RIC8B: variants seen among roughly 807,000 people sequenced by gnomAD.
RIC8B encodes the protein RIC8 guanine nucleotide exchange factor B.
Under a neutral mutation model 57.5 loss-of-function variants are expected in RIC8B, and 16 were observed. The observed-to-expected ratio is 0.28, with a 90% CI of 0.19 to 0.42. The LOEUF is 0.42. RIC8B is among the 10% of genes least tolerant of loss of function. The pLI, the probability that RIC8B is intolerant of heterozygous loss-of-function variation, is 1.00. For synonymous variants in RIC8B, 216 were observed against 250.8 expected (o/e 0.86, Z 1.31); for missense variants, 481 against 677.0 (o/e 0.71, Z 3.21).
chr12:106,846,839 A>G (rs903299910), intron 6 of RIC8B, among the ~76,000 whole-genome samples: 4 of 152,182 alleles, frequency 2.6e-5, no homozygotes, highest in African/African-American at 7.2e-5. Context: ...GAAACATTAC[A>G]GTAGAGGTAT....
chr12:106,786,287 C>T (rs1037918560), intron 2 of RIC8B, among the ~76,000 whole-genome samples: 5 of 151,376 alleles, frequency 3.3e-5, no homozygotes, highest in Non-Finnish European at 5.9e-5. Flanking sequence ...GTAGCTGGGA[C>T]TACAGGCGCC....
At chr12:106,816,312 C>T (rs1385617660) in intron 3 of RIC8B, among the ~76,000 whole-genome samples, 1 of 152,168 alleles carries the variant, frequency 6.6e-6, no homozygotes, top group African/African-American at 2.4e-5. Flanking sequence ...TATCTCAGTG[C>T]ATTGTTATAG....
chr12:106,825,615 G>A (rs570672169), intron 3 of RIC8B, 111 bp from the exon 4 acceptor site: 2 of 704,302 alleles, frequency 2.8e-6, no homozygotes, highest in Non-Finnish European at 5.1e-6. Flanking sequence ...CATCTAAAAT[G>A]TATGGTATAA....
chr12:106,874,665 A>G, intron 9 of RIC8B: 1 of 948,526 alleles, frequency 1.1e-6, no homozygotes, highest in Non-Finnish European at 1.6e-6. Flanking sequence ...TTAAAATTAC[A>G]TTTCTATTTT....
chr12:106,869,987 A>G (rs537659309), intron 8 of RIC8B, among the ~76,000 whole-genome samples: 53 of 152,036 alleles, frequency 3.5e-4, no homozygotes, highest in African/African-American at 1.3e-3. Context: ...CTGGTACAAG[A>G]TACTGTGATC....
chr12:106,816,982 A>G lies in RIC8B; in HGVS notation c.741+1678A>G, dbSNP rs926107502. 2.1e-4 allele frequency among the ~76,000 whole-genome samples: 32 copies of G among 152,322 alleles called. 1 individual carries two copies. The highest frequency in any genetic ancestry group is 7.0e-4 in the African/African-American group (29 of 41,580). ...GAGTCAGTTGATATAGCCATTATAA[A>G]ATATGCACATTTAATGTGACTCTGG... On this transcript the variant is annotated intron_variant, in intron 3 of 9. Coordinates refer to ENST00000392837, the MANE Select transcript of RIC8B (RefSeq NM_001330145.2).
chr12:106,807,689 G>A (rs1036138038), intron 2 of RIC8B, among the ~76,000 whole-genome samples: 2 of 152,220 alleles, frequency 1.3e-5, no homozygotes, highest in Admixed American at 1.3e-4. Flanking sequence ...GTGAGTTTTG[G>A]TGGACAGCTA....
chr12:106,827,958 G>A (rs951979670), intron 4 of RIC8B, among the ~76,000 whole-genome samples: 4 of 152,122 alleles, frequency 2.6e-5, no homozygotes, highest in Admixed American at 6.5e-5. Flanking sequence ...AGATTTCTCC[G>A]AATAATGAAT....
rs202040725 is a variant in RIC8B, at chr12:106,885,834, TG to T, written c.1572-63del. 2.2e-4 allele frequency: 152 copies of T among 696,642 alleles called. No individual in the cohort carries two copies. In the African/African-American group the frequency reaches 4.9e-3, roughly 23 times the overall value. The allele number at this position is 696,642 out of a possible 1,614,324, so 43.2% of individuals were successfully genotyped here. A position where few individuals can be genotyped will look rare whatever the true frequency, so the allele number is the denominator to read the frequency against. On this transcript the variant is annotated intron_variant, in intron 9 of 9. Coordinates refer to ENST00000392837, the MANE Select transcript of RIC8B (RefSeq NM_001330145.2). The stretch of plus-strand genomic sequence containing the variant: ...CTTTTTAAAAGGTTGTGGATTTGGG[TG>T]GGGGGGAGGGGTGTGTGTGTGATGC...
At chr12:106,862,329 CTGTT>C (rs756223835) in intron 8 of RIC8B, among the ~76,000 whole-genome samples, 1 of 151,934 alleles carries the variant, frequency 6.6e-6, no homozygotes, top group Non-Finnish European at 1.5e-5. Context: ...AGATTTGCAT[CTGTT>C]TTTCTCTTAA....
chr12:106,845,599 A>G (rs192237986), intron 6 of RIC8B, among the ~76,000 whole-genome samples: 54 of 151,998 alleles, frequency 3.6e-4, no homozygotes, highest in Non-Finnish European at 5.4e-4. Flanking sequence ...TCTTATATTA[A>G]TCATTTTAAA....
At chr12:106,824,029 A>G (rs560226753) in intron 3 of RIC8B, among the ~76,000 whole-genome samples, 5 of 152,272 alleles carry the variant, frequency 3.3e-5, no homozygotes, top group African/African-American at 9.6e-5. Flanking sequence ...TGGATAGTGA[A>G]TGGGACAACA....
At chr12:106,820,276 T>A (rs1028196522) in intron 3 of RIC8B, among the ~76,000 whole-genome samples, 3 of 152,216 alleles carry the variant, frequency 2.0e-5, no homozygotes, top group Admixed American at 6.5e-5. Context: ...AGTGTTAAAT[T>A]CGTGCCTGCC....
chr12:106,846,229 C>T (rs1949182372), intron 6 of RIC8B, among the ~76,000 whole-genome samples: 1 of 152,184 alleles, frequency 6.6e-6, no homozygotes. Flanking sequence ...GTTTAACATA[C>T]CTCAAACTAA....
At chr12:106,860,216 T>C (rs1416010432) in intron 7 of RIC8B, 52 bp from the exon 8 acceptor site, 7 of 1,437,148 alleles carry the variant, frequency 4.9e-6, no homozygotes, top group Non-Finnish European at 6.5e-6. Flanking sequence ...TGGTTGATGA[T>C]GATGGTGAAG....
intron 2 of RIC8B, among the ~76,000 whole-genome samples, chr12:106,785,227 G>A (rs2043950174): frequency 6.6e-6 from 1 of 152,064 alleles, no homozygotes; most frequent in African/African-American, 2.4e-5. Context: ...TTCCAGTTAT[G>A]CACACATCCA....
chr12:106,839,353 C>T (rs533886102), intron 4 of RIC8B, among the ~76,000 whole-genome samples: 1 of 152,206 alleles, frequency 6.6e-6, no homozygotes, highest in South Asian at 2.1e-4. Flanking sequence ...GAGTATTATT[C>T]AGCCTTTAAA....
chr12:106,834,753 G>A (rs548544186), intron 4 of RIC8B, among the ~76,000 whole-genome samples: 4 of 152,092 alleles, frequency 2.6e-5, no homozygotes, highest in East Asian at 1.9e-4. Context: ...GGAGGCCGAG[G>A]CAGGCAGATC....
intron 1 of RIC8B, among the ~76,000 whole-genome samples, chr12:106,782,294 G>A (rs1376962123): frequency 2.0e-5 from 3 of 152,116 alleles, no homozygotes; most frequent in Admixed American, 6.6e-5. Context: ...ATTCCTAGGA[G>A]TAGGAGTTCT....
Sources: allele counts gnomAD v4.1 joint callset (sites outside exome capture counted in the v4.1 genomes callset), GRCh38; gene constraint gnomAD v4.1.1; transcripts MANE v1.5; gene names NCBI Gene and HGNC (gene_info 2026-07-23, HGNC 2026-07-21).